Variants in MAPK8 observed in about 807,000 individuals in gnomAD.
The protein encoded by MAPK8 is mitogen-activated protein kinase 8.
In MAPK8, 13 loss-of-function variants were observed where a neutral mutation model predicts 52.9. The observed-to-expected ratio is 0.25, with a 90% confidence interval of 0.16 to 0.39. MAPK8 has a LOEUF of 0.39. Ranked by LOEUF, MAPK8 falls within the 10% of genes least tolerant of loss-of-function variation. The pLI is 1.00. For synonymous variants in MAPK8, 191 were observed against 169.8 expected (o/e 1.12, Z -0.97); for missense variants, 300 against 519.2 (o/e 0.58, Z 4.10).
intron 1 of MAPK8, among the ~76,000 whole-genome samples, chr10:48,351,940 T>C (rs1589037355): frequency 6.6e-6 from 1 of 152,284 alleles, no homozygotes; most frequent in East Asian, 1.9e-4. Flanking sequence ...TTTTGGAGCA[T>C]TTCGGATTTC....
intron 5 of MAPK8, among the ~76,000 whole-genome samples, chr10:48,411,079 T>A (rs1343711277): frequency 6.6e-6 from 1 of 152,230 alleles, no homozygotes; most frequent in Non-Finnish European, 1.5e-5. Flanking sequence ...GTAGGTTGTC[T>A]GTTCACTTTG....
At chr10:48,361,834 A>G (rs567626164) in intron 1 of MAPK8, among the ~76,000 whole-genome samples, 8 of 152,326 alleles carry the variant, frequency 5.3e-5, no homozygotes, top group African/African-American at 1.9e-4. Flanking sequence ...GAGAATTTAT[A>G]TGACACAGTA....
At chr10:48,312,794 T>C (rs1400974246) in intron 1 of MAPK8, among the ~76,000 whole-genome samples, 2 of 152,250 alleles carry the variant, frequency 1.3e-5, no homozygotes, top group Non-Finnish European at 2.9e-5. Context: ...AAAGTCTTAA[T>C]GTTTTAATTT....
intron 1 of MAPK8, among the ~76,000 whole-genome samples, chr10:48,364,295 C>T (rs1847832338): frequency 6.6e-6 from 1 of 151,520 alleles, no homozygotes; most frequent in Admixed American, 6.6e-5. Flanking sequence ...TTTATTTTCC[C>T]TGAAAGCACA....
chr10:48,310,795 G>C (rs1669098900), intron 1 of MAPK8, among the ~76,000 whole-genome samples: 1 of 151,920 alleles, frequency 6.6e-6, no homozygotes, highest in African/African-American at 2.4e-5. Flanking sequence ...ACAGAGAGGA[G>C]ACCCCTTTTT....
intron 1 of MAPK8, among the ~76,000 whole-genome samples, chr10:48,385,819 C>T (rs769840620): frequency 5.9e-5 from 9 of 151,934 alleles, no homozygotes; most frequent in Non-Finnish European, 1.2e-4. Context: ...GTTTTTGCCC[C>T]ATCTTGCTGA....
At chr10:48,425,142 T>C (rs1329222610) in intron 7 of MAPK8, 2 of 746,926 alleles carry the variant, frequency 2.7e-6, no homozygotes, top group Non-Finnish European at 5.0e-6. Context: ...TGATTTGTTA[T>C]GTGTTTACCA....
At chr10:48,399,663 C>T (rs1037509522) in intron 1 of MAPK8, among the ~76,000 whole-genome samples, 1 of 152,154 alleles carries the variant, frequency 6.6e-6, no homozygotes, top group Admixed American at 6.5e-5. Context: ...TTTTTTCCAG[C>T]AAGTGGAGAA....
chr10:48,344,710 TAA>T (rs1199668911), intron 1 of MAPK8, among the ~76,000 whole-genome samples: 2 of 152,210 alleles, frequency 1.3e-5, no homozygotes, highest in African/African-American at 2.4e-5. Flanking sequence ...TTAAAAAAAT[TAA>T]TTAAAAATTT....
intron 1 of MAPK8, among the ~76,000 whole-genome samples, chr10:48,357,553 C>T (rs766449932): frequency 8.6e-5 from 13 of 152,032 alleles, no homozygotes; most frequent in Non-Finnish European, 1.8e-4. Context: ...CATGCCACCA[C>T]ACCTGGCTAA....
At chr10:48,399,120 C>T (rs762271800) in intron 1 of MAPK8, among the ~76,000 whole-genome samples, 4 of 152,174 alleles carry the variant, frequency 2.6e-5, no homozygotes, top group Non-Finnish European at 4.4e-5. Flanking sequence ...TTCCTGAGCC[C>T]AGACTGGCAT....
At chr10:48,397,601 C>CT (rs952182225) in intron 1 of MAPK8, among the ~76,000 whole-genome samples, 1 of 151,712 alleles carries the variant, frequency 6.6e-6, no homozygotes, top group African/African-American at 2.4e-5. Flanking sequence ...TTCTTTTTTT[C>CT]TTTTTTTGAG....
chr10:48,312,496 A>G (rs1306193422), intron 1 of MAPK8, among the ~76,000 whole-genome samples: 2 of 152,204 alleles, frequency 1.3e-5, no homozygotes, highest in Non-Finnish European at 2.9e-5. Flanking sequence ...TTCTGGGGAA[A>G]CTAGAAACGA....
intron 1 of MAPK8, among the ~76,000 whole-genome samples, chr10:48,339,683 T>C (rs1845045235): frequency 1.3e-5 from 2 of 152,102 alleles, no homozygotes; most frequent in Admixed American, 6.6e-5. Context: ...AGGACTGATA[T>C]CCATAATAAA....
intron 1 of MAPK8, among the ~76,000 whole-genome samples, chr10:48,339,029 A>G (rs535280921): frequency 3.7e-4 from 56 of 152,334 alleles, no homozygotes; most frequent in East Asian, 3.8e-4. Context: ...TACAACTTCA[A>G]TATAATTCCT....
At chr10:48,403,186 G>A (rs372570509) in intron 2 of MAPK8, among the ~76,000 whole-genome samples, 59 of 152,270 alleles carry the variant, frequency 3.9e-4, no homozygotes, top group African/African-American at 1.3e-3. Flanking sequence ...CAAGCCGGGC[G>A]CGGTGGCTCA....
At chr10:48,312,972 G>A (rs1842116261) in intron 1 of MAPK8, among the ~76,000 whole-genome samples, 1 of 152,160 alleles carries the variant, frequency 6.6e-6, no homozygotes, top group Non-Finnish European at 1.5e-5. Flanking sequence ...GTTTATATAT[G>A]TTTAAGTATA....
intron 1 of MAPK8, among the ~76,000 whole-genome samples, chr10:48,351,938 C>G (rs922052039): frequency 3.3e-5 from 5 of 152,102 alleles, no homozygotes; most frequent in Non-Finnish European, 7.4e-5. Context: ...GATTTTGGAG[C>G]ATTTCGGATT....
Position 48,424,085 on chromosome 10 carries a change from T to C in MAPK8, c.617-3T>C, listed in dbSNP as rs2043525860. On this transcript the variant is annotated splice_polypyrimidine_tract_variant and splice_region_variant and intron_variant, in intron 6 of 11. Coordinates refer to ENST00000374189, the MANE Select transcript of MAPK8 (RefSeq NM_001323329.2). ...TTCCTTCTTTTGTGCTGCAAACATATAGTGGATTTATGGTCTGTGGGGTGC... is the reference window on the plus strand; with the variant it reads ...TTCCTTCTTTTGTGCTGCAAACATACAGTGGATTTATGGTCTGTGGGGTGC... The C allele has an allele frequency of 2.5e-6, 4 of 1,610,826 alleles. No individual in the cohort carries two copies. The highest frequency in any genetic ancestry group is 1.3e-5 in the African/African-American group (1 of 74,972).
Sources: allele counts gnomAD v4.1 joint callset (sites outside exome capture counted in the v4.1 genomes callset), GRCh38; gene constraint gnomAD v4.1.1; transcripts MANE v1.5; gene names NCBI Gene and HGNC (gene_info 2026-07-23, HGNC 2026-07-21).